The following AK5 variants were observed in gnomAD, a reference collection of about 807,000 sequenced individuals.
AK5 encodes the protein adenylate kinase isoenzyme 5.
Under a neutral mutation model 69.5 loss-of-function variants are expected in AK5, and 27 were observed. The observed-to-expected ratio is 0.39, with a 90% CI of 0.29 to 0.54. The LOEUF (loss-of-function observed/expected upper bound fraction) is 0.54. AK5 is among the 20% of genes least tolerant of loss of function. The pLI, the probability that AK5 is intolerant of heterozygous loss-of-function variation, is 0.71. For missense variants in AK5, 531 were observed against 700.4 expected (o/e 0.76, Z 2.73); for synonymous variants, 260 against 244.4 (o/e 1.06, Z -0.60).
intron 8 of AK5, among the ~76,000 whole-genome samples, chr1:77,479,047 C>G (rs11162351): frequency 0.31 from 46,993 of 151,742 alleles, 7,869 homozygotes; most frequent in Non-Finnish European, 0.37. Flanking sequence ...AAGCAAGTCT[C>G]TAATCCAAAT....
chr1:77,475,436 T>TATATATATA (rs1654849410), intron 8 of AK5, among the ~76,000 whole-genome samples: 2 of 3,438 alleles, frequency 5.8e-4, no homozygotes, highest in Non-Finnish European at 8.5e-4. Flanking sequence ...TATATATATG[T>TATATATATA]ATATATATTA....
chr1:77,493,693 A>G (rs1038726175), intron 10 of AK5, among the ~76,000 whole-genome samples: 2 of 152,154 alleles, frequency 1.3e-5, no homozygotes, highest in Non-Finnish European at 2.9e-5. Context: ...TGCAGACACA[A>G]GGGCCTCTTT....
intron 6 of AK5, 33 bp downstream of exon 6, chr1:77,340,601 A>G (rs1570407621): frequency 1.3e-6 from 2 of 1,585,294 alleles, no homozygotes; most frequent in East Asian, 2.2e-5. Flanking sequence ...AGTCCAATAC[A>G]AGAGCGCTCT....
chr1:77,312,419 A>G (rs1660011663), intron 5 of AK5, among the ~76,000 whole-genome samples: 1 of 152,108 alleles, frequency 6.6e-6, no homozygotes, highest in Non-Finnish European at 1.5e-5. Flanking sequence ...GTTCAAGACC[A>G]GGCTGGCCAA....
chr1:77,460,965 C>G (rs1265850268), intron 8 of AK5, among the ~76,000 whole-genome samples: 1 of 152,076 alleles, frequency 6.6e-6, no homozygotes, highest in East Asian at 1.9e-4. Context: ...CTCAAGTGAT[C>G]CACCTTACTC....
intron 8 of AK5, among the ~76,000 whole-genome samples, chr1:77,477,497 C>G (rs943149112): frequency 2.0e-5 from 3 of 152,150 alleles, no homozygotes; most frequent in Admixed American, 6.5e-5. Flanking sequence ...AAATAGAAAT[C>G]TAGGAAAATC....
intron 6 of AK5, among the ~76,000 whole-genome samples, chr1:77,355,765 A>G (rs1366645332): frequency 6.6e-6 from 1 of 151,740 alleles, no homozygotes; most frequent in Non-Finnish European, 1.5e-5. Context: ...TCAATATTTT[A>G]TTTCCAGCAG....
chr1:77,324,652 T>C (rs1660702822), intron 5 of AK5, among the ~76,000 whole-genome samples: 1 of 151,890 alleles, frequency 6.6e-6, no homozygotes, highest in Non-Finnish European at 1.5e-5. Flanking sequence ...ATCTCAGATG[T>C]TCTAGAAACT....
chr1:77,444,307 ATACACAATATATGTGTAT>A (rs1249740435), intron 8 of AK5, among the ~76,000 whole-genome samples: 87 of 78,098 alleles, frequency 1.1e-3, no homozygotes, highest in Middle Eastern at 7.0e-3. Context: ...TATAGTATAT[ATACACAATATATGTGTAT>A]ATATATAGTA....
chr1:77,348,107 A>G (rs1248159445), intron 6 of AK5, among the ~76,000 whole-genome samples: 1 of 152,204 alleles, frequency 6.6e-6, no homozygotes, highest in Non-Finnish European at 1.5e-5. Flanking sequence ...CTCCCCCAAC[A>G]GAATGTAAAA....
intron 6 of AK5, among the ~76,000 whole-genome samples, chr1:77,386,744 T>C (rs1394930892): frequency 6.6e-6 from 1 of 152,194 alleles, no homozygotes; most frequent in Non-Finnish European, 1.5e-5. Flanking sequence ...CTGAGTACAA[T>C]ACATTTTTGT....
At chr1:77,441,913 G>C (rs1349916358) in intron 8 of AK5, among the ~76,000 whole-genome samples, 1 of 152,194 alleles carries the variant, frequency 6.6e-6, no homozygotes, top group East Asian at 1.9e-4. Flanking sequence ...CACAGAGCCA[G>C]GATCTGTGAC....
At position 77,376,191 on chromosome 1, in the gene AK5, G is replaced by T. The variant is rs186799578; in HGVS notation, c.892-34790G>T. On this transcript the variant is annotated intron_variant, in intron 6 of 13. Transcript: ENST00000354567. ...CTGGTTTATGTCACTTGAGACTCCA[G>T]ACATTGAACAGTAATTAGGGAACAT... Among the ~76,000 whole-genome samples the T allele has an allele frequency of 4.7e-4, 72 of 152,242 alleles. No homozygotes were observed. The East Asian group carries it at 0.011, about 23-fold the overall frequency.
intron 6 of AK5, among the ~76,000 whole-genome samples, chr1:77,405,982 AC>A (rs1649602121): frequency 6.6e-6 from 1 of 152,186 alleles, no homozygotes. Context: ...TTTCTAGGGA[AC>A]CCTGGCTAAA....
chr1:77,450,382 C>T (rs560939982), intron 8 of AK5, among the ~76,000 whole-genome samples: 1 of 152,276 alleles, frequency 6.6e-6, no homozygotes, highest in Admixed American at 6.5e-5. Flanking sequence ...AGTCTGTTTT[C>T]ACACTGCTCA....
intron 10 of AK5, among the ~76,000 whole-genome samples, chr1:77,498,572 A>G (rs1656501085): frequency 6.6e-6 from 1 of 152,124 alleles, no homozygotes; most frequent in South Asian, 2.1e-4. Flanking sequence ...CAGTTTCTTC[A>G]CCTGTCATGT....
chr1:77,368,087 A>G (rs1285084389), intron 6 of AK5, among the ~76,000 whole-genome samples: 1 of 137,166 alleles, frequency 7.3e-6, no homozygotes, highest in Non-Finnish European at 1.5e-5. Flanking sequence ...TGGAAAAAAT[A>G]CTAAGTCTTC....
intron 13 of AK5, among the ~76,000 whole-genome samples, chr1:77,549,880 A>G (rs1278259077): frequency 2.7e-5 from 4 of 146,522 alleles, no homozygotes; most frequent in African/African-American, 9.9e-5. Flanking sequence ...GCTGGAGTAT[A>G]GTGGCACAAT....
chr1:77,532,981 T>C (rs1233594641), intron 12 of AK5, among the ~76,000 whole-genome samples: 2 of 152,194 alleles, frequency 1.3e-5, no homozygotes, highest in African/African-American at 2.4e-5. Context: ...CGAAGCATTT[T>C]GAAAAAAATT....
Sources: allele counts gnomAD v4.1 joint callset (sites outside exome capture counted in the v4.1 genomes callset), GRCh38; gene constraint gnomAD v4.1.1; transcripts MANE v1.5; gene names NCBI Gene and HGNC (gene_info 2026-07-23, HGNC 2026-07-21).